The following COG5 variants were observed in gnomAD, a reference collection of about 807,000 sequenced individuals.
COG5 encodes component of oligomeric golgi complex 5.
A neutral mutation model predicts 110.4 loss-of-function variants in COG5; 86 were observed. That is an observed-to-expected ratio of 0.78 (90% CI 0.65 to 0.93). The LOEUF is 0.93. Ranked by LOEUF, COG5 falls within the 40% of genes least tolerant of loss-of-function variation. The pLI, the probability that COG5 is intolerant of heterozygous loss-of-function variation, is 0.00. For synonymous variants in COG5, 360 were observed against 334.6 expected (o/e 1.08, Z -0.83); for missense variants, 1,077 against 987.0 (o/e 1.09, Z -1.22).
intron 6 of COG5, among the ~76,000 whole-genome samples, chr7:107,502,550 C>T (rs1487562615): frequency 1.3e-5 from 2 of 152,048 alleles, no homozygotes; most frequent in African/African-American, 4.8e-5. Context: ...AGTGGGATTG[C>T]TGGATTGAAT....
intron 5 of COG5, among the ~76,000 whole-genome samples, chr7:107,542,470 T>C (rs76923959): frequency 0.13 from 19,138 of 152,170 alleles, 1,501 homozygotes; most frequent in Non-Finnish European, 0.17. Flanking sequence ...CATTATCTAA[T>C]AAAGTTGAAA....
chr7:107,263,799 T>C (rs951206971), intron 14 of COG5, among the ~76,000 whole-genome samples: 3 of 152,152 alleles, frequency 2.0e-5, no homozygotes, highest in African/African-American at 7.2e-5. Context: ...GACTAGATAA[T>C]TGAAACAATA....
At chr7:107,426,040 C>T (rs1314622474) in intron 6 of COG5, among the ~76,000 whole-genome samples, 1 of 152,148 alleles carries the variant, frequency 6.6e-6, no homozygotes, top group African/African-American at 2.4e-5. Flanking sequence ...CAAACCAAAG[C>T]TAGGCAAGAG....
rs1803036605 is a variant in COG5 at position 107,258,278 on chromosome 7, T to TTA, written c.1679_1680dup (p.Thr561Ter). On this transcript the variant is annotated frameshift_variant, in exon 15 of 22. Transcript: ENST00000297135. LOFTEE classifies it high-confidence loss of function. ...AAACTTAATAAAATAGTTACCTTTG[T>TTA]TACTGATTGGTGCAACTTATACAAT... The TTA allele has an allele frequency of 6.3e-7, 1 of 1,586,532 alleles. No homozygotes were observed. The highest frequency in any genetic ancestry group is 8.7e-7 in the Non-Finnish European group (1 of 1,155,166).
chr7:107,317,946 CAATAAAT>C (rs1469563979), intron 11 of COG5, among the ~76,000 whole-genome samples: 2 of 152,154 alleles, frequency 1.3e-5, no homozygotes, highest in Non-Finnish European at 2.9e-5. Context: ...TGTTCTAAAA[CAATAAAT>C]AATAAACAAT....
At chr7:107,412,673 C>G in intron 6 of COG5, 41 bp from the exon 7 acceptor site, 1 of 1,198,286 alleles carries the variant, frequency 8.3e-7, no homozygotes. Flanking sequence ...TATTTCAATA[C>G]TGAATAAATA....
At chr7:107,355,543 T>A (rs551808631) in intron 10 of COG5, among the ~76,000 whole-genome samples, 64 of 152,286 alleles carry the variant, frequency 4.2e-4, no homozygotes, top group South Asian at 2.7e-3. Flanking sequence ...AATAAATGAA[T>A]GAATAAACAA....
intron 6 of COG5, among the ~76,000 whole-genome samples, chr7:107,495,827 G>C (rs953104402): frequency 6.6e-6 from 1 of 152,012 alleles, no homozygotes; most frequent in African/African-American, 2.4e-5. Context: ...AAAAGTATTT[G>C]ATTAACATAA....
rs189586933 is a variant in COG5, at chr7:107,264,097, A to G, written c.1576-5714T>C. Among the ~76,000 whole-genome samples, 366 of 152,328 alleles carry G rather than the reference A, an allele frequency of 2.4e-3. 1 individual carries two copies. Among genetic ancestry groups the G allele is most frequent in the African/African-American group, 8.5e-3 (354 of 41,570 alleles). The stretch of plus-strand genomic sequence containing the variant: ...CAAAAGGGTAAGTAAGTTACTTTCC[A>G]GATACTATGGAAACACTTCTAGTGG... On this transcript the variant is annotated intron_variant, in intron 14 of 21. Coordinates refer to ENST00000297135, the MANE Select transcript of COG5 (RefSeq NM_006348.5).
At chr7:107,420,351 C>A (rs1793193239) in intron 6 of COG5, among the ~76,000 whole-genome samples, 1 of 152,212 alleles carries the variant, frequency 6.6e-6, no homozygotes, top group South Asian at 2.1e-4. Flanking sequence ...TTATTATTTT[C>A]ATAATAGGGT....
chr7:107,327,683 C>G (rs1037430814), intron 10 of COG5, among the ~76,000 whole-genome samples: 2 of 152,096 alleles, frequency 1.3e-5, no homozygotes, highest in African/African-American at 2.4e-5. Flanking sequence ...GGCTGGCCAA[C>G]AAGCACATGA....
intron 11 of COG5, among the ~76,000 whole-genome samples, chr7:107,302,673 G>C (rs917526683): frequency 3.9e-5 from 6 of 152,148 alleles, no homozygotes; most frequent in African/African-American, 1.4e-4. Context: ...AATAATGCAA[G>C]GCCCTGGGTT....
intron 6 of COG5, among the ~76,000 whole-genome samples, chr7:107,444,832 GAGTACT>G (rs1794911410): frequency 6.6e-6 from 1 of 152,134 alleles, no homozygotes; most frequent in Non-Finnish European, 1.5e-5. Flanking sequence ...CAGTCTTAAA[GAGTACT>G]TCTTTTTGGA....
At chr7:107,509,710 C>A (rs566063462) in intron 6 of COG5, among the ~76,000 whole-genome samples, 14 of 142,930 alleles carry the variant, frequency 9.8e-5, no homozygotes, top group Admixed American at 2.1e-4. Flanking sequence ...TCGGCAGAAA[C>A]TCTACAAGCC....
chr7:107,397,785 C>T (rs923681663), intron 7 of COG5, among the ~76,000 whole-genome samples: 1 of 152,092 alleles, frequency 6.6e-6, no homozygotes, highest in Non-Finnish European at 1.5e-5. Flanking sequence ...ATCACACTTT[C>T]ATAATCCCTA....
chr7:107,378,325 CA>C (rs1814809218), intron 7 of COG5, among the ~76,000 whole-genome samples: 1 of 152,044 alleles, frequency 6.6e-6, no homozygotes, highest in African/African-American at 2.4e-5. Flanking sequence ...AAAACCAGCG[CA>C]AAAAGGTTGA....
chr7:107,451,734 T>C (rs1795354280), intron 6 of COG5, among the ~76,000 whole-genome samples: 1 of 152,176 alleles, frequency 6.6e-6, no homozygotes, highest in Non-Finnish European at 1.5e-5. Flanking sequence ...TACTTTCTCT[T>C]TCTTATCATT....
At chr7:107,501,238 A>G (rs1212610290) in intron 6 of COG5, among the ~76,000 whole-genome samples, 2 of 152,044 alleles carry the variant, frequency 1.3e-5, no homozygotes, top group Non-Finnish European at 2.9e-5. Flanking sequence ...ATTATTAGTA[A>G]TATATACTAG....
At chr7:107,206,240 C>T (rs557983689) in intron 21 of COG5, among the ~76,000 whole-genome samples, 9 of 152,242 alleles carry the variant, frequency 5.9e-5, no homozygotes, top group Middle Eastern at 3.4e-3. Flanking sequence ...GGATTACAGG[C>T]GTGAGCCAGA....
Sources: allele counts gnomAD v4.1 joint callset (sites outside exome capture counted in the v4.1 genomes callset), GRCh38; gene constraint gnomAD v4.1.1; transcripts MANE v1.5; gene names NCBI Gene and HGNC (gene_info 2026-07-23, HGNC 2026-07-21).